The following TNIK variants were observed in gnomAD, a reference collection of about 807,000 sequenced individuals.
TNIK encodes TRAF2 and NCK-interacting protein kinase.
Under a neutral mutation model 191.3 loss-of-function variants are expected in TNIK, and 49 were observed. The observed-to-expected ratio is 0.26, with a 90% CI of 0.20 to 0.32. TNIK has a LOEUF of 0.32. Ranked by LOEUF, TNIK falls within the 10% of genes least tolerant of loss-of-function variation. The pLI is 1.00. For missense variants in TNIK, 1,155 were observed against 1,702.3 expected, an observed-to-expected ratio of 0.68 and a Z score of 5.66; for synonymous variants, 594 against 600.9, an observed-to-expected ratio of 0.99 and a Z score of 0.17.
At chr3:171,327,900 T>TTAAAAAAAAAA (rs1755963954) in intron 2 of TNIK, among the ~76,000 whole-genome samples, 2 of 79,622 alleles carry the variant, frequency 2.5e-5, no homozygotes, top group African/African-American at 4.1e-5. Flanking sequence ...ACCTGGCTCA[T>TTAAAAAAAAAA]AAAAAAAAAA....
rs933112241 is a variant in TNIK, at chr3:171,167,132, G to C, written c.912C>G (p.Asp304Glu). Residue 304 changes from aspartate (D) to glutamate (E), a missense_variant, in exon 10 of 33, where the codon GAC (aspartate) becomes GAG (glutamate). Physicochemically the swap from Asp to Glu is conservative, Grantham distance 45 (BLOSUM62 2). Around this residue, in one of 3 missense-constraint regions of TNIK, gnomAD observed 225 missense variants for 438.9 expected, o/e 0.51. Coordinates refer to ENST00000436636, the MANE Select transcript of TNIK (RefSeq NM_015028.4). ...GCTTCTTCTTTGTTCTATCAATATG[G>C]TCCTTGAGTTGAATGCGGACCTGTC... ...NERQVRIQLKDHIDRTKKKRG... is the reference protein window; with the variant it reads ...NERQVRIQLKEHIDRTKKKRG... The C allele has an allele frequency of 1.9e-6, 3 of 1,613,512 alleles. No individual in the cohort carries two copies. Among genetic ancestry groups the C allele is most frequent in the Non-Finnish European group, 8.5e-7 (1 of 1,179,764 alleles).
At chr3:171,335,680 A>T (rs907633704) in intron 2 of TNIK, among the ~76,000 whole-genome samples, 16 of 152,168 alleles carry the variant, frequency 1.1e-4, no homozygotes, top group Admixed American at 6.5e-5. Context: ...TTTGATAAGT[A>T]TGTAGATCAT....
chr3:171,175,369 G>T (rs746019762), intron 8 of TNIK, 39 bp from the exon 9 acceptor site: 13 of 1,566,176 alleles, frequency 8.3e-6, no homozygotes, highest in Non-Finnish European at 1.0e-5. Flanking sequence ...ACAGTTAGGA[G>T]GCCAAACCCA....
intron 2 of TNIK, among the ~76,000 whole-genome samples, chr3:171,260,305 G>T (rs1747439562): frequency 6.6e-6 from 1 of 152,152 alleles, no homozygotes; most frequent in Non-Finnish European, 1.5e-5. Flanking sequence ...CTCTCCCGCT[G>T]CAAGATGCTA....
In TNIK at chr3:171,131,295, G is replaced by A. The variant is rs1209011540; in HGVS notation, c.1609-2417C>T. On this transcript the variant is annotated intron_variant, in intron 15 of 32. Coordinates refer to ENST00000436636, the MANE Select transcript of TNIK (RefSeq NM_015028.4). ...GGAGCTTGCAGTGAGCCGAGATCGC[G>A]CCACTGCACTCCAGCCTGGGCGACA... Among the ~76,000 whole-genome samples, 27 of 117,730 alleles carry A rather than the reference G, an allele frequency of 2.3e-4. No homozygotes were observed. In the East Asian group the frequency reaches 5.8e-3, roughly 25 times the overall value. The allele number at this position is 117,730 out of a possible 152,430, so 77.2% of individuals were successfully genotyped here. A position where few individuals can be genotyped will look rare whatever the true frequency, so the allele number is the denominator to read the frequency against.
intron 1 of TNIK, among the ~76,000 whole-genome samples, chr3:171,457,336 C>A (rs565769315): frequency 6.6e-6 from 1 of 152,174 alleles, no homozygotes; most frequent in African/African-American, 2.4e-5. Context: ...AAAGGCCTCT[C>A]TAGACAGGAT....
At chr3:171,358,790 G>A (rs903745387) in intron 2 of TNIK, among the ~76,000 whole-genome samples, 14 of 152,138 alleles carry the variant, frequency 9.2e-5, no homozygotes, top group Non-Finnish European at 1.5e-4. Context: ...GAGGTACCTT[G>A]GAGGAACGCC....
At chr3:171,441,168 A>G (rs1726753519) in intron 1 of TNIK, among the ~76,000 whole-genome samples, 1 of 152,170 alleles carries the variant, frequency 6.6e-6, no homozygotes, top group Non-Finnish European at 1.5e-5. Context: ...CTGGTCAACT[A>G]TGAAGCAGTG....
rs539940107 is a variant in TNIK at position 171,365,758 on chromosome 3, C to T, written c.123+3862G>A. 3.2e-3 allele frequency among the ~76,000 whole-genome samples: 489 copies of T among 152,294 alleles called. 1 individual carries two copies. The highest frequency in any genetic ancestry group is 5.6e-3 in the Non-Finnish European group (379 of 68,028). On this transcript the variant is annotated intron_variant, in intron 2 of 32. Transcript: ENST00000436636. ...AGCATGCTGGAAATATACACACTCACAGCATCTGTCTCTCTTAAGCACAAT... is the reference window on the plus strand; with the variant it reads ...AGCATGCTGGAAATATACACACTCATAGCATCTGTCTCTCTTAAGCACAAT...
At chr3:171,227,469 T>C (rs1329810117) in intron 3 of TNIK, among the ~76,000 whole-genome samples, 1 of 152,186 alleles carries the variant, frequency 6.6e-6, no homozygotes, top group Non-Finnish European at 1.5e-5. Flanking sequence ...ATTTCTTCTG[T>C]ATAATCTCAG....
At chr3:171,397,172 G>A (rs1030724298) in intron 1 of TNIK, among the ~76,000 whole-genome samples, 10 of 152,142 alleles carry the variant, frequency 6.6e-5, no homozygotes, top group African/African-American at 2.2e-4. Flanking sequence ...GGTCTGATGT[G>A]CCAGTCTCTA....
intron 1 of TNIK, among the ~76,000 whole-genome samples, chr3:171,407,225 G>A (rs1721812554): frequency 6.6e-6 from 1 of 152,212 alleles, no homozygotes; most frequent in Non-Finnish European, 1.5e-5. Flanking sequence ...CCTTCTGACA[G>A]AGGTCAGTGC....
At chr3:171,186,044 TG>T (rs1205882452) in intron 7 of TNIK, among the ~76,000 whole-genome samples, 1 of 152,196 alleles carries the variant, frequency 6.6e-6, no homozygotes, top group Non-Finnish European at 1.5e-5. Context: ...CGGGCTTTGA[TG>T]GGGTCTCAAA....
chr3:171,110,842 T>C lies in TNIK; in HGVS notation c.2156A>G (p.Glu719Gly). 1.2e-6 allele frequency: 2 copies of C among 1,605,298 alleles called. No homozygotes were observed. Among genetic ancestry groups the C allele is most frequent in the Non-Finnish European group, 1.7e-6 (2 of 1,176,550 alleles). Residue 719 changes from glutamate to glycine, a missense_variant, in exon 19 of 33, where the codon GAG becomes GGG. By Grantham distance (98) the Glu-to-Gly change is moderately conservative. Transcript: ENST00000436636. ...ACTGCTGGTCCTCTGCAAGGGGCTC[T>C]CCAAGATGGGCTCAGTTCTCCGGAG... ...PDLRRTEPIL[E>G]SPLQRTSSGS...
intron 2 of TNIK, among the ~76,000 whole-genome samples, chr3:171,235,521 G>T (rs1216345372): frequency 6.6e-6 from 1 of 152,100 alleles, no homozygotes; most frequent in East Asian, 1.9e-4. Flanking sequence ...GGCACCTGGG[G>T]CTATAAACAT....
rs149849432 is a variant in TNIK at position 171,377,031 on chromosome 3, G to A, written c.58-7346C>T. Among the ~76,000 whole-genome samples the A allele has an allele frequency of 6.5e-3, 992 of 152,256 alleles. 13 individuals carry two copies. Among genetic ancestry groups the A allele is most frequent in the African/African-American group, 0.021 (860 of 41,534 alleles). On this transcript the variant is annotated intron_variant, in intron 1 of 32. Transcript: ENST00000436636. Reference sequence around the variant, plus strand: ...GCATTTTTACAATGTCGCATCCTGCGTATGAATGTTCTAGGTAACTCCCCA... The same window carrying A: ...GCATTTTTACAATGTCGCATCCTGCATATGAATGTTCTAGGTAACTCCCCA...
At chr3:171,311,340 T>G (rs1753994694) in intron 2 of TNIK, among the ~76,000 whole-genome samples, 2 of 152,178 alleles carry the variant, frequency 1.3e-5, no homozygotes, top group South Asian at 4.1e-4. Context: ...CAGCACACTT[T>G]CCAGAAACAG....
intron 4 of TNIK, among the ~76,000 whole-genome samples, chr3:171,209,631 T>G (rs111718238): frequency 0.014 from 2,131 of 152,270 alleles, 53 homozygotes; most frequent in African/African-American, 0.049. Flanking sequence ...TATTATACAT[T>G]TAGAGGCCAC....
chr3:171,222,731 G>T (rs1446543492), intron 3 of TNIK, among the ~76,000 whole-genome samples: 1 of 152,136 alleles, frequency 6.6e-6, no homozygotes, highest in African/African-American at 2.4e-5. Context: ...AGAGATGGAG[G>T]CTGGTCATAA....
Sources: allele counts gnomAD v4.1 joint callset (sites outside exome capture counted in the v4.1 genomes callset), GRCh38; gene constraint gnomAD v4.1.1; regional missense constraint gnomAD v4.1.1; transcripts MANE v1.5; gene names NCBI Gene and HGNC (gene_info 2026-07-23, HGNC 2026-07-21).